Variants in KANK3 observed in about 807,000 individuals in gnomAD.
The protein encoded by KANK3 is KN motif and ankyrin repeat domain-containing protein 3.
Under a neutral mutation model 65.4 loss-of-function variants are expected in KANK3, and 61 were observed. The observed-to-expected ratio is 0.93, with a 90% CI of 0.76 to 1.15. KANK3 has a LOEUF of 1.15. Among genes scored for constraint, KANK3 ranks in the 50% most tolerant of loss-of-function variants. The probability of loss-of-function intolerance (pLI) is 0.00; values close to 1 mark genes in which losing one functional copy is unlikely to be tolerated. For synonymous variants in KANK3, 586 were observed against 543.3 expected (o/e 1.08, Z -1.09); for missense variants, 1,187 against 1,178.8 (o/e 1.01, Z -0.10).
chr19:8,322,892 TGGCTGTCTGGGAGCCAGG>T lies in KANK3; in HGVS notation c.2395_2412del (p.Pro799_Ala804del). 6.4e-7 allele frequency: 1 copy of T among 1,562,900 alleles called. No individual in the cohort carries two copies. Among genetic ancestry groups the T allele is most frequent in the Non-Finnish European group, 8.7e-7 (1 of 1,154,914 alleles). ...TCACCGCATTCTCCTTCACCAGGTGTGGCTGTCTGGGAGCCAGGGGGTGACTCGCTCTGGAGAGAGGGG... is the reference window on the plus strand; with the variant it reads ...TCACCGCATTCTCCTTCACCAGGTGTGGGTGACTCGCTCTGGAGAGAGGGG... On this transcript the variant is annotated inframe_deletion, in exon 11 of 11. Coordinates refer to ENST00000330915, the MANE Select transcript of KANK3 (RefSeq NM_198471.3).
In KANK3 at chr19:8,334,724, AC is replaced by A; in HGVS notation, c.1102del (p.Val368Ter). 1 of 1,529,732 alleles carries A rather than the reference AC, an allele frequency of 6.5e-7. No individual in the cohort carries two copies. Among genetic ancestry groups the A allele is most frequent in the Non-Finnish European group, 8.7e-7 (1 of 1,145,166 alleles). 94.8% of individuals were successfully genotyped at this position (1,529,732 alleles called of 1,614,324 possible). On this transcript the variant is annotated frameshift_variant, in exon 3 of 11. Coordinates refer to ENST00000330915, the MANE Select transcript of KANK3 (RefSeq NM_198471.3). LOFTEE classifies it high-confidence loss of function. Reference protein sequence around the residue: ...LRASLEHQRGVSELLRGRLRE... With the variant: ...LRASLEHQRGXSELLRGRLRE... The stretch of plus-strand genomic sequence containing the variant: ...CAACCGGCCCCGCAGAAGCTCACTC[AC>A]CCCGCGCTGGTGCTCCAGACTGGCG...
At chr19:8,336,646 G>A (rs1437976036) in intron 2 of KANK3, among the ~76,000 whole-genome samples, 1 of 150,264 alleles carries the variant, frequency 6.7e-6, no homozygotes, top group African/African-American at 2.5e-5. Context: ...AGGCTGAGGT[G>A]GGAGGATCAC....
At position 8,326,474 on chromosome 19, in the gene KANK3, C is replaced by T. The variant is rs1441599172; in HGVS notation, c.1937-1378G>A. ...CACCTTGATTTCAGACTTCTGGCCA[C>T]CTGTTGTAAAAAAAAAAAAAAAAAA... On this transcript the variant is annotated intron_variant, in intron 7 of 10. Coordinates refer to ENST00000330915, the MANE Select transcript of KANK3 (RefSeq NM_198471.3). 9.5e-5 allele frequency among the ~76,000 whole-genome samples: 10 copies of T among 104,850 alleles called. 2 individuals are homozygous for T. The highest frequency in any genetic ancestry group is 1.0e-4 in the Admixed American group (1 of 9,962). 68.8% of individuals were successfully genotyped at this position (104,850 alleles called of 152,430 possible). A position where few individuals can be genotyped will look rare whatever the true frequency, so the allele number is the denominator to read the frequency against.
intron 1 of KANK3, among the ~76,000 whole-genome samples, chr19:8,340,289 T>TAC (rs1161921225): frequency 2.4e-4 from 15 of 61,512 alleles, no homozygotes; most frequent in Admixed American, 7.7e-4. Context: ...TATATATATA[T>TAC]ATACACACAC....
rs991793266 is a variant in KANK3 at position 8,324,450 on chromosome 19, TGGGTGTC to T, written c.2374_2380del (p.Asp792ArgfsTer38). ...TGTTTCTTCCAGAGCTGTGCTCACCTGGGTGTCGGGCTGGCCCGAGCTCAGGTGGGCA... is the reference window on the plus strand; with the variant it reads ...TGTTTCTTCCAGAGCTGTGCTCACCTGGGCTGGCCCGAGCTCAGGTGGGCA... On this transcript the variant is annotated frameshift_variant and splice_region_variant, in exon 10 of 11. Transcript: ENST00000330915. LOFTEE classifies it low-confidence loss of function (END_TRUNC). The T allele has an allele frequency of 3.1e-6, 5 of 1,598,360 alleles. No homozygotes were observed. Among genetic ancestry groups the T allele is most frequent in the Non-Finnish European group, 4.3e-6 (5 of 1,172,512 alleles).
rs757694831 is a variant in KANK3, at chr19:8,333,050, C to G, written c.1900G>C (p.Gly634Arg). The G allele has an allele frequency of 6.9e-7, 1 of 1,458,034 alleles. No homozygotes were observed. Among genetic ancestry groups the G allele is most frequent in the Non-Finnish European group, 9.2e-7 (1 of 1,082,870 alleles). 90.3% of individuals were successfully genotyped at this position (1,458,034 alleles called of 1,614,324 possible). A position where few individuals can be genotyped will look rare whatever the true frequency, so the allele number is the denominator to read the frequency against. The change falls in exon 7 of 11, where the codon GGG (glycine) becomes CGG (arginine). Residue 634 changes from glycine (G) to arginine (R), a missense_variant. Transcript: ENST00000330915. The surrounding 1 kb of genome is among the most constrained non-coding windows in gnomAD (Gnocchi z 5.0). ...NTALHYSVSH[G>R]NLAIASLLLD... ...AGCAGGCTTGCGATGGCCAGGTTCC[C>G]GTGGGACACACTGTAGTGCAGGGCC...
chr19:8,330,196 A>T (rs1970499125), intron 7 of KANK3, among the ~76,000 whole-genome samples: 2 of 152,196 alleles, frequency 1.3e-5, no homozygotes, highest in Admixed American at 1.3e-4. Flanking sequence ...ATGAAAGAGG[A>T]AACAGCCCCT....
intron 1 of KANK3, among the ~76,000 whole-genome samples, chr19:8,339,980 A>AAAAAGAAAAG (rs1317543104): frequency 2.1e-5 from 2 of 95,720 alleles, no homozygotes; most frequent in African/African-American, 4.7e-5. Context: ...AAAAAAAAAA[A>AAAAAGAAAAG]AAAAGAAAAG....
intron 7 of KANK3, among the ~76,000 whole-genome samples, chr19:8,329,492 C>CAAAAAAAAAAAAAAAAAAA (rs59607185): frequency 3.9e-5 from 2 of 51,124 alleles, no homozygotes; most frequent in African/African-American, 1.5e-4. Flanking sequence ...GACTCGGCCT[C>CAAAAAAAAAAAAAAAAAAA]AAAAAAAAAA....
intron 7 of KANK3, among the ~76,000 whole-genome samples, chr19:8,332,118 C>T (rs543390992): frequency 2.7e-5 from 4 of 150,104 alleles, no homozygotes; most frequent in South Asian, 2.1e-4. Context: ...CTCAGCCTCC[C>T]GAATAGCTGG....
At chr19:8,326,719 C>A (rs1373476617) in intron 7 of KANK3, among the ~76,000 whole-genome samples, 1 of 150,792 alleles carries the variant, frequency 6.6e-6, no homozygotes, top group Non-Finnish European at 1.5e-5. Context: ...ATGGCATGAA[C>A]CCGGGGGACG....
intron 1 of KANK3, among the ~76,000 whole-genome samples, chr19:8,338,959 A>T (rs1464630009): frequency 6.7e-6 from 1 of 148,706 alleles, no homozygotes; most frequent in Non-Finnish European, 1.5e-5. Flanking sequence ...TGCAGGAATG[A>T]TGGGGAATTG....
chr19:8,328,952 G>A (rs1417388442), intron 7 of KANK3, among the ~76,000 whole-genome samples: 1 of 150,762 alleles, frequency 6.6e-6, no homozygotes, highest in Non-Finnish European at 1.5e-5. Context: ...GGCGGATCAC[G>A]AGGTCAGGAG....
At chr19:8,332,390 C>A (rs1428529941) in intron 7 of KANK3, among the ~76,000 whole-genome samples, 2 of 151,554 alleles carry the variant, frequency 1.3e-5, no homozygotes, top group Non-Finnish European at 2.9e-5. Flanking sequence ...GTTGGCCAGG[C>A]CGGTCTCGAA....
At chr19:8,329,112 A>C (rs926481674) in intron 7 of KANK3, among the ~76,000 whole-genome samples, 7 of 149,320 alleles carry the variant, frequency 4.7e-5, no homozygotes, top group African/African-American at 1.7e-4. Context: ...CAGACCTTGC[A>C]GTGAGCCGAG....
chr19:8,331,050 G>A (rs905567863), intron 7 of KANK3, among the ~76,000 whole-genome samples: 5 of 150,992 alleles, frequency 3.3e-5, no homozygotes, highest in East Asian at 3.9e-4. Flanking sequence ...AAAATTAGCC[G>A]GGCGTGGTGG....
intron 1 of KANK3, among the ~76,000 whole-genome samples, chr19:8,339,650 G>A (rs920841273): frequency 5.3e-5 from 8 of 152,094 alleles, no homozygotes; most frequent in Non-Finnish European, 8.8e-5. Context: ...ATGAGCCAAG[G>A]TGCCTGGCCA....
Position 8,334,100 on chromosome 19 carries a change from T to A in KANK3, c.1444A>T (p.Ser482Cys). 6.6e-7 allele frequency: 1 copy of A among 1,521,224 alleles called. No individual in the cohort carries two copies. The highest frequency in any genetic ancestry group is 8.8e-7 in the Non-Finnish European group (1 of 1,135,100). The allele number at this position is 1,521,224 out of a possible 1,614,324, so 94.2% of individuals were successfully genotyped here. ...VLNGEYESSS[S>C]EDASDSDGDS... is the part of the protein sequence containing the mutation. Reference sequence around the variant, plus strand: ...CCATCGCTGTCGCTGGCGTCCTCGCTGGAGGAGCTCTCGTACCTGGGGGCA... The same window carrying A: ...CCATCGCTGTCGCTGGCGTCCTCGCAGGAGGAGCTCTCGTACCTGGGGGCA... Residue 482 changes from serine (S) to cysteine (C), a missense_variant, in exon 5 of 11, where the codon AGC becomes TGC. Transcript: ENST00000330915.
At chr19:8,335,925 CTTGT>C in intron 2 of KANK3, 133 bp from the exon 3 acceptor site, 1 of 603,886 alleles carries the variant, frequency 1.7e-6, no homozygotes, top group Non-Finnish European at 2.4e-6. Flanking sequence ...AACTCAATCG[CTTGT>C]TTAATGAGCA....
Sources: gnomAD v4.1 joint callset for allele counts (sites outside exome capture counted in the v4.1 genomes callset) on GRCh38, gnomAD v4.1.1 for gene constraint, Gnocchi (gnomAD v3.1) non-coding constraint, MANE v1.5 for transcripts, NCBI Gene and HGNC (gene_info 2026-07-23, HGNC 2026-07-21) for gene names.